Variants in RASSF8 observed in about 807,000 individuals in gnomAD.
The protein encoded by RASSF8 is ras association domain-containing protein 8.
A neutral mutation model predicts 48.5 loss-of-function variants in RASSF8; 22 were observed. The observed-to-expected ratio is 0.45, with a 90% confidence interval of 0.32 to 0.65. The LOEUF (loss-of-function observed/expected upper bound fraction) is 0.65. Ranked by LOEUF, RASSF8 falls within the 30% of genes least tolerant of loss-of-function variation. RASSF8 has a pLI of 0.03. For missense variants in RASSF8, 418 were observed against 489.2 expected (o/e 0.85, Z 1.37); for synonymous variants, 127 against 171.5 (o/e 0.74, Z 2.03).
chr12:26,062,507 A>G (rs1172875890), intron 3 of RASSF8, among the ~76,000 whole-genome samples: 1 of 152,186 alleles, frequency 6.6e-6, no homozygotes, highest in East Asian at 1.9e-4. Context: ...TACTACTCTT[A>G]TCCCACAGAT....
At chr12:25,961,836 A>C (rs1941242676) in intron 1 of RASSF8, among the ~76,000 whole-genome samples, 1 of 151,944 alleles carries the variant, frequency 6.6e-6, no homozygotes, top group East Asian at 1.9e-4. Context: ...AGCTCACTCC[A>C]CTCTCTCTTT....
At position 26,064,574 on chromosome 12, in the gene RASSF8, C is replaced by T; in HGVS notation, c.180C>T (p.Ile60=). 1 of 1,613,894 alleles carries T rather than the reference C, an allele frequency of 6.2e-7. No homozygotes were observed. Among genetic ancestry groups the T allele is most frequent in the East Asian group, 2.2e-5 (1 of 44,884 alleles). ...ACTTAGCACCTCATGAAAATCCTAT[C>T]ATATCCTTAAACAAATGGGGGCAGT... ...ERHLAPHENP[I]ISLNKWGQYA... Residue 60 remains isoleucine, a synonymous_variant, in exon 4 of 6, where the codon ATC becomes ATT. Coordinates refer to ENST00000689635, the MANE Select transcript of RASSF8 (RefSeq NM_001394098.1).
At chr12:26,018,838 A>C (rs888344187) in intron 2 of RASSF8, among the ~76,000 whole-genome samples, 2 of 152,226 alleles carry the variant, frequency 1.3e-5, no homozygotes, top group African/African-American at 4.8e-5. Flanking sequence ...TAACTGCTTC[A>C]TGAGTTGCTT....
At chr12:26,003,928 G>C (rs7965600) in intron 2 of RASSF8, among the ~76,000 whole-genome samples, 2 of 151,928 alleles carry the variant, frequency 1.3e-5, no homozygotes, top group Non-Finnish European at 2.9e-5. Context: ...TGTAATCCTA[G>C]CACTTTAGGA....
intron 2 of RASSF8, among the ~76,000 whole-genome samples, chr12:25,996,673 C>G (rs986871155): frequency 1.3e-5 from 2 of 152,160 alleles, no homozygotes; most frequent in Non-Finnish European, 2.9e-5. Context: ...CCTTGACTTA[C>G]AGTACAAAGA....
Position 26,069,156 on chromosome 12 carries a change from T to C in RASSF8, c.*338T>C, listed in dbSNP as rs1943947549. ...TTAAGTAAGAGTGAAGAGAAATTTG[T>C]GACTGGCTTAGTTTAATTTATTTCA... On this transcript the variant is annotated 3_prime_UTR_variant, in exon 6 of 6. Transcript: ENST00000689635. 3 of 991,508 alleles carry C rather than the reference T, an allele frequency of 3.0e-6. No homozygotes were observed. Among genetic ancestry groups the C allele is most frequent in the Non-Finnish European group, 2.4e-6 (2 of 833,632 alleles). The allele number at this position is 991,508 out of a possible 1,614,324, so 61.4% of individuals were successfully genotyped here.
rs1941788371 is a variant in RASSF8, at chr12:25,983,338, CA to C, written c.-202-11698del. ...GGTTTAATGGCAAACTAGACATAGC[CA>C]GAGCAAGAATTAAGCAACTGGAAGA... On this transcript the variant is annotated intron_variant, in intron 1 of 5. Transcript: ENST00000689635. Among the ~76,000 whole-genome samples the C allele has an allele frequency of 2.0e-5, 3 of 152,204 alleles. No homozygotes were observed. In the South Asian group the frequency reaches 6.2e-4, roughly 32 times the overall value.
downstream of RASSF8, among the ~76,000 whole-genome samples, chr12:26,073,849 C>CACATAT (rs35014279): frequency 4.9e-5 from 7 of 144,192 alleles, no homozygotes; most frequent in East Asian, 2.0e-4. Context: ...CACACACACA[C>CACATAT]ATATATATAT....
Position 25,986,950 on chromosome 12 carries a change from G to GTTTGGTTT in RASSF8, c.-202-8084_-202-8083insGGTTTTTT, listed in dbSNP as rs67523606. ...TTTTTGTTTGTTTGTTTGTTTGTTT[G>GTTTGGTTT]TTTTGCAACGGAGTTTCGCTCGTCG... On this transcript the variant is annotated intron_variant, in intron 1 of 5. Coordinates refer to ENST00000689635, the MANE Select transcript of RASSF8 (RefSeq NM_001394098.1). Among the ~76,000 whole-genome samples the GTTTGGTTT allele has an allele frequency of 3.3e-5, 5 of 149,674 alleles. No individual in the cohort carries two copies. In the East Asian group the frequency reaches 7.8e-4, roughly 23 times the overall value.
intron 2 of RASSF8, among the ~76,000 whole-genome samples, chr12:26,054,721 AC>A (rs1239973540): frequency 2.0e-5 from 3 of 151,522 alleles, no homozygotes; most frequent in Non-Finnish European, 4.4e-5. Context: ...AGGAAGGCAG[AC>A]AGGTAGCAGT....
At chr12:26,048,895 AG>A (rs1204290816) in intron 2 of RASSF8, among the ~76,000 whole-genome samples, 1 of 152,056 alleles carries the variant, frequency 6.6e-6, no homozygotes, top group Non-Finnish European at 1.5e-5. Context: ...CTGGGATTAC[AG>A]GTGCCCACCA....
intron 2 of RASSF8, among the ~76,000 whole-genome samples, chr12:26,025,293 C>T (rs1460951729): frequency 6.6e-6 from 1 of 151,914 alleles, no homozygotes; most frequent in African/African-American, 2.4e-5. Flanking sequence ...CGTGGTGGCT[C>T]ACGCCTGTAA....
At chr12:26,009,968 CATTT>C (rs1942483333) in intron 2 of RASSF8, among the ~76,000 whole-genome samples, 1 of 152,168 alleles carries the variant, frequency 6.6e-6, no homozygotes, top group African/African-American at 2.4e-5. Context: ...GTAAAATAGC[CATTT>C]ATTCTTTGAT....
chr12:25,983,187 TAAAGA>T (rs1941784515), intron 1 of RASSF8, among the ~76,000 whole-genome samples: 2 of 151,832 alleles, frequency 1.3e-5, no homozygotes, highest in African/African-American at 2.4e-5. Context: ...AAATAACTTT[TAAAGA>T]AATGGAAAGG....
chr12:26,048,002 C>T (rs12297279), intron 2 of RASSF8, among the ~76,000 whole-genome samples: 4,860 of 152,206 alleles, frequency 0.032, 153 homozygotes, highest in African/African-American at 0.083. Context: ...TTAAAGGAAG[C>T]GGCTAGAAAG....
chr12:26,078,997 T>G, intron 5 of RASSF8: 1 of 1,523,224 alleles, frequency 6.6e-7, no homozygotes, highest in African/African-American at 1.4e-5. Context: ...ACCTTAACTC[T>G]TTTTTGTTGT....
At position 26,072,243 on chromosome 12, in the gene RASSF8, T is replaced by C. The variant is rs1238187837; in HGVS notation, c.*3425T>C. 1 of 974,326 alleles carries C rather than the reference T, an allele frequency of 1.0e-6. No individual in the cohort carries two copies. Among genetic ancestry groups the C allele is most frequent in the African/African-American group, 1.8e-5 (1 of 56,974 alleles). 60.4% of individuals were successfully genotyped at this position (974,326 alleles called of 1,614,324 possible). ...ATTATTACTTTTGTATTGTGTTCAG[T>C]TTTTTAAGTTGCATGTTTATACTAT... On this transcript the variant is annotated 3_prime_UTR_variant, in exon 6 of 6. Coordinates refer to ENST00000689635, the MANE Select transcript of RASSF8 (RefSeq NM_001394098.1).
chr12:25,989,901 T>C (rs1245803284), intron 1 of RASSF8, among the ~76,000 whole-genome samples: 1 of 152,128 alleles, frequency 6.6e-6, no homozygotes, highest in African/African-American at 2.4e-5. Context: ...ATCAAGTACA[T>C]CTGAGTTCAA....
downstream of RASSF8, among the ~76,000 whole-genome samples, chr12:26,073,746 T>TCTACACACACACACAC (rs10678881): frequency 4.3e-5 from 2 of 46,346 alleles, no homozygotes; most frequent in African/African-American, 1.8e-4. Flanking sequence ...TCTCTCTCTC[T>TCTACACACACACACAC]ATACACACAC....
Sources: allele counts gnomAD v4.1 joint callset (sites outside exome capture counted in the v4.1 genomes callset), GRCh38; gene constraint gnomAD v4.1.1; transcripts MANE v1.5; gene names NCBI Gene and HGNC (gene_info 2026-07-23, HGNC 2026-07-21).